The following DNAJC7 variants were observed in gnomAD, a reference collection of about 807,000 sequenced individuals.
DNAJC7 encodes dnaJ homolog subfamily C member 7.
A neutral mutation model predicts 67.4 loss-of-function variants in DNAJC7; 18 were observed. The ratio of observed to expected loss-of-function variants is 0.27; its 90% CI spans 0.18 to 0.40. The LOEUF is 0.40. Ranked by LOEUF, DNAJC7 falls within the 10% of genes least tolerant of loss-of-function variation. The pLI, the probability that DNAJC7 is intolerant of heterozygous loss-of-function variation, is 1.00. For missense variants in DNAJC7, 419 were observed against 613.8 expected (o/e 0.68, Z 3.35); for synonymous variants, 220 against 207.8 (o/e 1.06, Z -0.50).
chr17:41,996,170 G>A (rs1278696913), intron 4 of DNAJC7, 141 bp downstream of exon 4: 4 of 700,516 alleles, frequency 5.7e-6, no homozygotes, highest in Admixed American at 5.7e-5. Context: ...GAGGCTTAGA[G>A]AGGCTATGAA....
chr17:42,006,975 G>A (rs1018987132), intron 1 of DNAJC7, among the ~76,000 whole-genome samples: 5 of 150,676 alleles, frequency 3.3e-5, no homozygotes, highest in East Asian at 2.0e-4. Flanking sequence ...GGTGGCAGGC[G>A]CCTGTAGTCC....
intron 12 of DNAJC7, chr17:41,977,583 CTT>C (rs2051125055): frequency 2.9e-6 from 1 of 348,884 alleles, no homozygotes; most frequent in African/African-American, 2.1e-5. Context: ...CTTCAGCTTG[CTT>C]CATTGGGCTG....
intron 2 of DNAJC7, among the ~76,000 whole-genome samples, chr17:41,997,503 A>G (rs1161280252): frequency 6.6e-6 from 1 of 152,040 alleles, no homozygotes; most frequent in Admixed American, 6.6e-5. Context: ...AGGCTGAAGC[A>G]TAAGAATTGC....
intron 7 of DNAJC7, 51 bp downstream of exon 7, chr17:41,989,353 A>T: frequency 6.3e-7 from 1 of 1,597,794 alleles, no homozygotes. Flanking sequence ...GCCATCTTAA[A>T]GGTCCCAAAA....
chr17:41,979,153 A>G (rs1205118793), intron 12 of DNAJC7, among the ~76,000 whole-genome samples: 1 of 151,802 alleles, frequency 6.6e-6, no homozygotes, highest in Admixed American at 6.6e-5. Context: ...AGCCTGGCCA[A>G]CATGGTGAAA....
intron 12 of DNAJC7, among the ~76,000 whole-genome samples, chr17:41,979,836 C>A (rs1433148776): frequency 1.3e-5 from 2 of 150,446 alleles, no homozygotes; most frequent in African/African-American, 2.4e-5. Flanking sequence ...TGGCGCACAC[C>A]TGTAGTCCCA....
rs185029205 is a variant in DNAJC7 at position 42,001,359 on chromosome 17, T to C, written c.78-789A>G. ...TTTTTCCCTACCTCTAAGATCTATT[T>C]TTTGAAACTGTGCCATTAGACAAAG... is the stretch of plus-strand genomic sequence containing the variant. On this transcript the variant is annotated intron_variant, in intron 1 of 13. Transcript: ENST00000457167. Among the ~76,000 whole-genome samples the C allele has an allele frequency of 2.8e-4, 42 of 152,298 alleles. No homozygotes were observed. In the East Asian group the frequency reaches 6.7e-3, roughly 24 times the overall value.
chr17:41,998,965 C>T (rs555427345), intron 2 of DNAJC7, among the ~76,000 whole-genome samples: 2 of 151,942 alleles, frequency 1.3e-5, no homozygotes, highest in Admixed American at 1.3e-4. Flanking sequence ...GTAGGAGGAT[C>T]GCTTGAGCCC....
intron 9 of DNAJC7, chr17:41,985,668 C>T (rs1555646659): frequency 1.3e-5 from 2 of 152,188 alleles, no homozygotes; most frequent in African/African-American, 4.8e-5. Context: ...CTCATGATGG[C>T]ATGTGTAGCA....
Position 41,994,942 on chromosome 17 carries a change from G to T in DNAJC7, c.408C>A (p.Phe136Leu). ...DHKNAQAQQE[F>L]KNANAVMEYE... ...ATTCCATGACTGCATTAGCATTCTT[G>T]AACTGCACCGGAAAATCAGACATAG... Residue 136 changes from phenylalanine to leucine, a missense_variant and splice_region_variant, in exon 5 of 14, where the codon TTC (phenylalanine) becomes TTA (leucine). This residue lies in a region of DNAJC7 where 179 missense variants were observed against 249.7 expected (regional missense o/e 0.72). Coordinates refer to ENST00000457167, the MANE Select transcript of DNAJC7 (RefSeq NM_003315.4). 3.1e-6 allele frequency: 5 copies of T among 1,612,982 alleles called. No individual in the cohort carries two copies. The highest frequency in any genetic ancestry group is 4.2e-6 in the Non-Finnish European group (5 of 1,179,536).
Position 42,016,945 on chromosome 17 carries a change from G to A in DNAJC7, c.77+395C>T. ...AGCAAAGGTTTTGGAGACGGAAAGT[G>A]CAGACAGGCAACAATGCACAGAAGT... is the stretch of plus-strand genomic sequence containing the variant. On this transcript the variant is annotated intron_variant, in intron 1 of 13. Transcript: ENST00000457167. 4 of 1,171,616 alleles carry A rather than the reference G, an allele frequency of 3.4e-6. No homozygotes were observed. The South Asian group carries it at 5.2e-5, about 15-fold the overall frequency. The allele number at this position is 1,171,616 out of a possible 1,614,324, so 72.6% of individuals were successfully genotyped here.
intron 2 of DNAJC7, among the ~76,000 whole-genome samples, chr17:41,999,820 A>AC (rs1555649218): frequency 6.6e-5 from 10 of 150,634 alleles, no homozygotes; most frequent in Non-Finnish European, 1.2e-4. Flanking sequence ...AGCCTGGCCT[A>AC]TTTTTTTTAT....
At chr17:42,012,581 C>A (rs1567972217) in intron 1 of DNAJC7, among the ~76,000 whole-genome samples, 1 of 152,188 alleles carries the variant, frequency 6.6e-6, no homozygotes, top group Non-Finnish European at 1.5e-5. Context: ...AACAAGAGAT[C>A]CTTAATTCAA....
At chr17:41,989,680 A>C in intron 6 of DNAJC7, 123 bp from the exon 7 acceptor site, 1 of 1,287,688 alleles carries the variant, frequency 7.8e-7, no homozygotes, top group South Asian at 1.5e-5. Flanking sequence ...AAAGGTAGAC[A>C]GATTCCCAAG....
chr17:41,996,682 C>T (rs2143239027), intron 3 of DNAJC7, among the ~76,000 whole-genome samples: 1 of 152,306 alleles, frequency 6.6e-6, no homozygotes, highest in Middle Eastern at 3.4e-3. Context: ...TGGCATATGC[C>T]TGTGGTCCCA....
intron 10 of DNAJC7, among the ~76,000 whole-genome samples, chr17:41,983,210 C>T (rs192888475): frequency 3.9e-5 from 6 of 152,158 alleles, no homozygotes; most frequent in African/African-American, 1.4e-4. Flanking sequence ...CTGCAACCTC[C>T]GCCTCCTGGG....
Position 41,989,417 on chromosome 17 carries a change from C to A in DNAJC7, c.740G>T (p.Cys247Phe). The stretch of plus-strand genomic sequence containing the variant: ...ACTAGAACTTACTCTGCAGGCAATG[C>A]AGGCCTTCTCGTGGTCAGGAGCCAT... ...LRMAPDHEKACIACRNAKALK... is the reference protein window; with the variant it reads ...LRMAPDHEKAFIACRNAKALK... Residue 247 changes from cysteine to phenylalanine, a missense_variant, in exon 7 of 14, where the codon TGC becomes TTC. Cys to Phe is a radical substitution (Grantham distance 205). Around this residue, in one of 4 missense-constraint regions of DNAJC7, gnomAD observed 16 missense variants for 57.9 expected, o/e 0.28. Coordinates refer to ENST00000457167, the MANE Select transcript of DNAJC7 (RefSeq NM_003315.4). 6.2e-7 allele frequency: 1 copy of A among 1,613,980 alleles called. No individual in the cohort carries two copies. The highest frequency in any genetic ancestry group is 8.5e-7 in the Non-Finnish European group (1 of 1,179,880).
intron 1 of DNAJC7, chr17:42,017,130 A>G (rs2052322492): frequency 6.8e-7 from 1 of 1,469,266 alleles, no homozygotes; most frequent in Non-Finnish European, 9.0e-7. Context: ...GCCATGCCTC[A>G]GCTCCTACGC....
chr17:42,007,626 C>T (rs972515338), intron 1 of DNAJC7, among the ~76,000 whole-genome samples: 6 of 151,074 alleles, frequency 4.0e-5, no homozygotes, highest in African/African-American at 7.3e-5. Context: ...CAGGTTCAAG[C>T]GATTCTTGTG....
Sources: allele counts gnomAD v4.1 joint callset (sites outside exome capture counted in the v4.1 genomes callset), GRCh38; gene constraint gnomAD v4.1.1; regional missense constraint gnomAD v4.1.1; transcripts MANE v1.5; gene names NCBI Gene and HGNC (gene_info 2026-07-23, HGNC 2026-07-21).